LRRK1: variants seen among roughly 807,000 people sequenced by gnomAD.
LRRK1 encodes leucine rich repeat kinase 1, also known as leucine-rich repeat serine/threonine-protein kinase 1.
LRRK1 carries 113 observed loss-of-function variants against 209.1 expected under a neutral mutation model. The observed-to-expected ratio is 0.54, with a 90% CI of 0.46 to 0.63. The LOEUF is 0.63. LRRK1 is among the 30% of genes least tolerant of loss of function. LRRK1 has a pLI of 0.00. For missense variants in LRRK1, 2,284 were observed against 2,632.2 expected, an observed-to-expected ratio of 0.87 and a Z score of 2.89; for synonymous variants, 1,144 against 1,099.7, an observed-to-expected ratio of 1.04 and a Z score of -0.80.
At chr15:100,979,102 A>C (rs144330276) in intron 3 of LRRK1, among the ~76,000 whole-genome samples, 44 of 152,310 alleles carry the variant, frequency 2.9e-4, no homozygotes, top group Non-Finnish European at 5.0e-4. Flanking sequence ...TCATCAATCA[A>C]TGTAATCCTC....
chr15:101,028,189 G>A (rs2034129118), intron 19 of LRRK1, among the ~76,000 whole-genome samples: 1 of 152,230 alleles, frequency 6.6e-6, no homozygotes. Context: ...TAGGAGAGAC[G>A]CAGCGTTGGG....
rs184286831 is a variant in LRRK1 at position 101,076,177 on chromosome 15, A to C, written c.*7329A>C. 2 of 152,224 alleles carry C rather than the reference A, an allele frequency of 1.3e-5. No individual in the cohort carries two copies. The highest frequency in any genetic ancestry group is 3.9e-4 in the East Asian group (2 of 5,166). The allele number at this position is 152,224 out of a possible 1,614,324, so 9.4% of individuals were successfully genotyped here. ...ACCTTACTGTTTTAGCCTAGCCCTC[A>C]TGTCTCTGTGCAGCGGCTGCTGCCA... is the stretch of plus-strand genomic sequence containing the variant. On this transcript the variant is annotated 3_prime_UTR_variant, in exon 34 of 34. Coordinates refer to ENST00000388948, the MANE Select transcript of LRRK1 (RefSeq NM_024652.6).
Position 101,051,710 on chromosome 15 carries a change from G to A in LRRK1, c.3440-1G>A. 1.2e-6 allele frequency: 2 copies of A among 1,613,440 alleles called. No homozygotes were observed. Among genetic ancestry groups the A allele is most frequent in the Non-Finnish European group, 1.7e-6 (2 of 1,179,882 alleles). On this transcript the variant is annotated splice_acceptor_variant, in intron 23 of 33. Transcript: ENST00000388948. LOFTEE classifies it high-confidence loss of function. The stretch of plus-strand genomic sequence containing the variant: ...CTGTCTCCTGCTCTGTCCTTATTTA[G>A]CCCTGACAGCCACAGAGAGCGACGG...
intron 3 of LRRK1, among the ~76,000 whole-genome samples, chr15:100,979,111 T>G (rs147792662): frequency 3.2e-4 from 48 of 152,272 alleles, no homozygotes; most frequent in African/African-American, 1.1e-3. Context: ...AATGTAATCC[T>G]CCTTATTAAT....
chr15:100,975,542 C>T (rs1175651795), intron 3 of LRRK1, among the ~76,000 whole-genome samples: 1 of 152,146 alleles, frequency 6.6e-6, no homozygotes, highest in Non-Finnish European at 1.5e-5. Flanking sequence ...TAGAAAGCTG[C>T]CTCTCCCCTG....
In LRRK1 at chr15:101,036,710, T is replaced by C. The variant is rs147018312; in HGVS notation, c.2963+7478T>C. Among the ~76,000 whole-genome samples the C allele has an allele frequency of 3.0e-4, 46 of 151,824 alleles. 2 individuals are homozygous for C. In the East Asian group the frequency reaches 7.1e-3, roughly 24 times the overall value. On this transcript the variant is annotated intron_variant, in intron 20 of 33. Coordinates refer to ENST00000388948, the MANE Select transcript of LRRK1 (RefSeq NM_024652.6). ...TGTTTCCTGTGTCCTTACATTGATA[T>C]CTGTGCATCTGGTGTAACAGTCACT...
At chr15:100,995,650 A>G (rs2032371852) in intron 6 of LRRK1, among the ~76,000 whole-genome samples, 1 of 152,180 alleles carries the variant, frequency 6.6e-6, no homozygotes, top group African/African-American at 2.4e-5. Context: ...TGATGTTGTC[A>G]CACCCAGAAA....
chr15:100,928,596 G>T (rs1188800654), intron 2 of LRRK1, among the ~76,000 whole-genome samples: 1 of 152,198 alleles, frequency 6.6e-6, no homozygotes, highest in Non-Finnish European at 1.5e-5. Flanking sequence ...GATTGAAAAC[G>T]ACGACGTTCT....
rs1567190990 is a variant in LRRK1, at chr15:100,941,408, GTCTC to G, written c.97+16681_97+16684del. ...TGTGTCTCTGTGTGTGTCTGTGTGTGTCTCTGTGTGTGTGTGTGTCTGTGTGTGT... is the reference window on the plus strand; with the variant it reads ...TGTGTCTCTGTGTGTGTCTGTGTGTGTGTGTGTGTGTGTGTCTGTGTGTGT... On this transcript the variant is annotated intron_variant, in intron 2 of 33. Coordinates refer to ENST00000388948, the MANE Select transcript of LRRK1 (RefSeq NM_024652.6). Among the ~76,000 whole-genome samples, 69 of 12,734 alleles carry G rather than the reference GTCTC, an allele frequency of 5.4e-3. 3 individuals are homozygous for G. Among genetic ancestry groups the G allele is most frequent in the African/African-American group, 0.02 (69 of 3,442 alleles). 8.4% of individuals were successfully genotyped at this position (12,734 alleles called of 152,430 possible). A position where few individuals can be genotyped will look rare whatever the true frequency, so the allele number is the denominator to read the frequency against.
chr15:100,993,172 G>A (rs999583032), intron 6 of LRRK1, among the ~76,000 whole-genome samples: 10 of 152,218 alleles, frequency 6.6e-5, no homozygotes, highest in African/African-American at 2.2e-4. Flanking sequence ...TAATAGCAAA[G>A]CCTGGCACGT....
intron 26 of LRRK1, 41 bp downstream of exon 26, chr15:101,053,461 A>G (rs1042396565): frequency 6.6e-7 from 1 of 1,514,970 alleles, no homozygotes; most frequent in Non-Finnish European, 8.9e-7. Context: ...GGAGACCGAC[A>G]GAGCCCCGGG....
intron 20 of LRRK1, among the ~76,000 whole-genome samples, chr15:101,040,049 T>G (rs758522473): frequency 2.0e-5 from 3 of 152,196 alleles, no homozygotes; most frequent in African/African-American, 7.2e-5. Context: ...AAAGTCTTTA[T>G]GGGTTATCAG....
At chr15:100,941,863 C>A (rs554148968) in intron 2 of LRRK1, among the ~76,000 whole-genome samples, 1 of 152,202 alleles carries the variant, frequency 6.6e-6, no homozygotes, top group East Asian at 1.9e-4. Flanking sequence ...TGGAGAGGGG[C>A]CAGATCCACA....
At chr15:100,956,455 C>CTTTTTTTTTTTTTTTTTTTTTTT (rs776326423) in intron 2 of LRRK1, among the ~76,000 whole-genome samples, 33 of 60,428 alleles carry the variant, frequency 5.5e-4, no homozygotes, top group Admixed American at 1.4e-3. Context: ...TTTTTTTTTT[C>CTTTTTTTTTTTTTTTTTTTTTTT]TTTTTTTTTT....
At position 101,075,112 on chromosome 15, in the gene LRRK1, A is replaced by C. The variant is rs2036936764; in HGVS notation, c.*6264A>C. On this transcript the variant is annotated 3_prime_UTR_variant, in exon 34 of 34. Coordinates refer to ENST00000388948, the MANE Select transcript of LRRK1 (RefSeq NM_024652.6). Reference sequence around the variant, plus strand: ...AGGTAAACCCGTCCCCTTCTTAATCAATACGGAGGCTACCCACTCCACATT... The same window carrying C: ...AGGTAAACCCGTCCCCTTCTTAATCCATACGGAGGCTACCCACTCCACATT... The C allele has an allele frequency of 1.4e-5, 1 of 69,172 alleles. No homozygotes were observed. The highest frequency in any genetic ancestry group is 1.2e-4 in the Admixed American group (1 of 8,678). 4.3% of individuals were successfully genotyped at this position (69,172 alleles called of 1,614,324 possible).
At chr15:100,945,791 C>A (rs923024522) in intron 2 of LRRK1, among the ~76,000 whole-genome samples, 9 of 152,136 alleles carry the variant, frequency 5.9e-5, no homozygotes. Context: ...CAGTGCCCAG[C>A]CTTCATATTC....
intron 31 of LRRK1, 38 bp downstream of exon 31, chr15:101,062,728 T>C: frequency 1.4e-6 from 2 of 1,457,416 alleles, no homozygotes; most frequent in Non-Finnish European, 9.6e-7. Flanking sequence ...AGGTCTCTGA[T>C]GCACTTCCAC....
chr15:101,050,939 C>T (rs2035393033), intron 23 of LRRK1, among the ~76,000 whole-genome samples: 1 of 152,238 alleles, frequency 6.6e-6, no homozygotes, highest in Admixed American at 6.5e-5. Context: ...GTTCCCCACA[C>T]AGCAGGTGCT....
At chr15:100,975,992 A>G (rs554193643) in intron 3 of LRRK1, among the ~76,000 whole-genome samples, 2 of 152,316 alleles carry the variant, frequency 1.3e-5, no homozygotes, top group East Asian at 3.9e-4. Context: ...GGAATATAAA[A>G]GAGAACTTCA....
Sources: allele counts gnomAD v4.1 joint callset (sites outside exome capture counted in the v4.1 genomes callset), GRCh38; gene constraint gnomAD v4.1.1; transcripts MANE v1.5; gene names NCBI Gene and HGNC (gene_info 2026-07-23, HGNC 2026-07-21).